Variants in SMOC1 observed in about 807,000 individuals in gnomAD.
The protein encoded by SMOC1 is SPARC related modular calcium binding 1.
SMOC1 carries 22 observed loss-of-function variants against 56.3 expected under a neutral mutation model. The ratio of observed to expected loss-of-function variants is 0.39; its 90% CI spans 0.28 to 0.56. SMOC1 has a LOEUF of 0.56. Ranked by LOEUF, SMOC1 falls within the 20% of genes least tolerant of loss-of-function variation. The pLI is 0.61. For synonymous variants in SMOC1, 193 were observed against 215.0 expected, an observed-to-expected ratio of 0.90 and a Z score of 0.89; for missense variants, 509 against 565.4, an observed-to-expected ratio of 0.90 and a Z score of 1.01.
intron 10 of SMOC1, among the ~76,000 whole-genome samples, chr14:70,017,075 T>C (rs1410553284): frequency 1.3e-5 from 2 of 152,180 alleles, no homozygotes; most frequent in Non-Finnish European, 2.9e-5. Context: ...TGGAACATAG[T>C]AGGTGCCCAG....
At chr14:69,926,049 T>G (rs889072873) in intron 1 of SMOC1, among the ~76,000 whole-genome samples, 23 of 143,144 alleles carry the variant, frequency 1.6e-4, no homozygotes, top group African/African-American at 6.4e-4. Flanking sequence ...CAGAAGCCAT[T>G]TTTTTTTTTT....
At chr14:69,988,731 C>T (rs1163117571) in intron 5 of SMOC1, among the ~76,000 whole-genome samples, 4 of 152,126 alleles carry the variant, frequency 2.6e-5, no homozygotes, top group African/African-American at 9.7e-5. Flanking sequence ...CTCTAGGCAC[C>T]CCCAGATCTG....
chr14:70,021,713 T>C (rs1006710598), intron 10 of SMOC1, among the ~76,000 whole-genome samples: 11 of 151,716 alleles, frequency 7.3e-5, no homozygotes, highest in African/African-American at 2.4e-4. Flanking sequence ...ACTGGCTTTT[T>C]TTCCCCCCGC....
chr14:69,885,447 C>T, intron 1 of SMOC1: 2 of 1,601,328 alleles, frequency 1.2e-6, no homozygotes, highest in East Asian at 2.2e-5. Context: ...CGGCGGATCT[C>T]ATCGTATCTG....
intron 1 of SMOC1, among the ~76,000 whole-genome samples, chr14:69,890,988 A>C (rs1301442669): frequency 6.6e-6 from 1 of 152,250 alleles, no homozygotes; most frequent in Non-Finnish European, 1.5e-5. Context: ...ACAGAAGAAT[A>C]GAAAAATAAA....
rs768996009 is a variant in SMOC1, at chr14:69,879,641, A to AC, written c.-34dup. 2.8e-6 allele frequency: 4 copies of AC among 1,449,330 alleles called. No homozygotes were observed. The East Asian group carries it at 1.2e-4, about 44-fold the overall frequency. The allele number at this position is 1,449,330 out of a possible 1,614,324, so 89.8% of individuals were successfully genotyped here. ...GCTGTGCGCCCCGCGGAGCCCGCGA[A>AC]CCCCGCTCGCTGCCGGCTGCCCAGC... On this transcript the variant is annotated 5_prime_UTR_variant, in exon 1 of 12. Transcript: ENST00000361956.
chr14:69,982,190 C>T (rs172900), intron 5 of SMOC1, among the ~76,000 whole-genome samples: 18,841 of 151,992 alleles, frequency 0.12, 2,148 homozygotes, highest in African/African-American at 0.31. Flanking sequence ...TTAAGGAAAG[C>T]AAGAGAAAAA....
intron 1 of SMOC1, among the ~76,000 whole-genome samples, chr14:69,927,667 T>C (rs1885046447): frequency 6.6e-6 from 1 of 152,094 alleles, no homozygotes; most frequent in African/African-American, 2.4e-5. Context: ...CAGAGTCAGA[T>C]TCCATCTCAA....
chr14:69,894,785 C>T (rs1884051652), intron 1 of SMOC1, among the ~76,000 whole-genome samples: 1 of 152,068 alleles, frequency 6.6e-6, no homozygotes, highest in Non-Finnish European at 1.5e-5. Context: ...GCAGATGTTC[C>T]AAGAGTTGGA....
intron 3 of SMOC1, among the ~76,000 whole-genome samples, chr14:69,972,258 A>G (rs1354358436): frequency 6.6e-6 from 1 of 152,152 alleles, no homozygotes. Context: ...AGTCACCTTG[A>G]AAACTCCCTA....
intron 1 of SMOC1, among the ~76,000 whole-genome samples, 159 bp downstream of exon 1, chr14:69,879,936 AT>A (rs886589042): frequency 1.3e-5 from 2 of 151,866 alleles, no homozygotes; most frequent in African/African-American, 4.8e-5. Context: ...TTGCTGAAAT[AT>A]TTTTTTTCTC....
intron 1 of SMOC1, among the ~76,000 whole-genome samples, chr14:69,930,608 G>T (rs1885142339): frequency 6.6e-6 from 1 of 152,168 alleles, no homozygotes; most frequent in African/African-American, 2.4e-5. Context: ...GGAGGTCTGA[G>T]GAAGGGCCCC....
At chr14:69,935,592 C>T (rs868340592) in intron 1 of SMOC1, among the ~76,000 whole-genome samples, 4 of 152,162 alleles carry the variant, frequency 2.6e-5, no homozygotes, top group Non-Finnish European at 2.9e-5. Context: ...AGGTCAGGAA[C>T]GGAATTGCCT....
intron 1 of SMOC1, among the ~76,000 whole-genome samples, chr14:69,899,988 T>C (rs2225056): frequency 0.67 from 102,209 of 152,134 alleles, 39,061 homozygotes; most frequent in East Asian, 0.91. Flanking sequence ...TGTTCAGCTT[T>C]TTACTTGTTG....
At chr14:69,920,390 C>G (rs889230227) in intron 1 of SMOC1, among the ~76,000 whole-genome samples, 1 of 152,146 alleles carries the variant, frequency 6.6e-6, no homozygotes, top group African/African-American at 2.4e-5. Flanking sequence ...GGGGCTCTTC[C>G]TGGCAGCAGA....
chr14:69,967,938 A>G (rs1007030776), intron 3 of SMOC1, among the ~76,000 whole-genome samples: 1 of 152,198 alleles, frequency 6.6e-6, no homozygotes, highest in Non-Finnish European at 1.5e-5. Context: ...GACAGACCAA[A>G]AGAATTACAC....
At position 69,885,406 on chromosome 14, in the gene SMOC1, C is replaced by G. The variant is rs1416172001; in HGVS notation, c.99+5629C>G. ...TGCGCTTGGCGATACGAGCCACAGA[C>G]TTAGGACCCAGGACATTGCCACCCC... On this transcript the variant is annotated intron_variant, in intron 1 of 11. Transcript: ENST00000361956. 1.9e-6 allele frequency: 3 copies of G among 1,600,624 alleles called. No individual in the cohort carries two copies. In the African/African-American group the frequency reaches 4.0e-5, roughly 21 times the overall value.
intron 1 of SMOC1, among the ~76,000 whole-genome samples, chr14:69,931,416 C>T (rs1420491361): frequency 4.6e-5 from 7 of 152,232 alleles, no homozygotes; most frequent in Non-Finnish European, 4.4e-5. Flanking sequence ...CCATGACAGG[C>T]GGGCAGTGTA....
intron 1 of SMOC1, among the ~76,000 whole-genome samples, chr14:69,942,063 C>T (rs1013935113): frequency 1.3e-5 from 2 of 152,154 alleles, no homozygotes; most frequent in Admixed American, 6.5e-5. Context: ...TTCCTTTCTA[C>T]GAGTTTGCTG....
Sources: allele counts gnomAD v4.1 joint callset (sites outside exome capture counted in the v4.1 genomes callset), GRCh38; gene constraint gnomAD v4.1.1; transcripts MANE v1.5; gene names NCBI Gene and HGNC (gene_info 2026-07-23, HGNC 2026-07-21).